The following MSI2 variants were observed in gnomAD, a reference collection of about 807,000 sequenced individuals.
The protein encoded by MSI2 is musashi RNA binding protein 2.
MSI2 carries 17 observed loss-of-function variants against 45.6 expected under a neutral mutation model. The ratio of observed to expected loss-of-function variants is 0.37; its 90% CI spans 0.26 to 0.56. The LOEUF (loss-of-function observed/expected upper bound fraction) is 0.56, where lower values mean the gene tolerates loss of function less well. Ranked by LOEUF, MSI2 falls within the 20% of genes least tolerant of loss-of-function variation. The pLI is 0.77. For missense variants in MSI2, 293 were observed against 444.2 expected, an observed-to-expected ratio of 0.66 and a Z score of 3.06; for synonymous variants, 156 against 158.2, an observed-to-expected ratio of 0.99 and a Z score of 0.11.
intron 6 of MSI2, among the ~76,000 whole-genome samples, chr17:57,504,960 G>A (rs2086196138): frequency 6.6e-6 from 1 of 151,730 alleles, no homozygotes; most frequent in South Asian, 2.1e-4. Context: ...AAAAAGTAAG[G>A]AAAGGGGAGA....
intron 7 of MSI2, among the ~76,000 whole-genome samples, chr17:57,538,029 G>C (rs1400350072): frequency 6.6e-6 from 1 of 152,194 alleles, no homozygotes; most frequent in Non-Finnish European, 1.5e-5. Context: ...CACTGACCCA[G>C]AAGTGGTTTT....
intron 5 of MSI2, among the ~76,000 whole-genome samples, chr17:57,398,520 A>G (rs906522142): frequency 6.6e-6 from 1 of 152,248 alleles, no homozygotes; most frequent in African/African-American, 2.4e-5. Context: ...GTGGAAGACA[A>G]TAGGACAGTA....
At chr17:57,350,225 G>GTGTGTGT (rs1915909517) in intron 5 of MSI2, among the ~76,000 whole-genome samples, 3 of 146,638 alleles carry the variant, frequency 2.0e-5, no homozygotes, top group African/African-American at 7.7e-5. Context: ...CAGAGGTAGG[G>GTGTGTGT]GTGTGTGTGT....
chr17:57,541,961 G>A (rs1362783761), intron 7 of MSI2, among the ~76,000 whole-genome samples: 1 of 152,100 alleles, frequency 6.6e-6, no homozygotes, highest in African/African-American at 2.4e-5. Flanking sequence ...CACCAGATCT[G>A]CAATGTGCGT....
At chr17:57,498,702 G>T (rs1217156030) in intron 6 of MSI2, among the ~76,000 whole-genome samples, 2 of 152,190 alleles carry the variant, frequency 1.3e-5, no homozygotes, top group African/African-American at 4.8e-5. Context: ...GGTTGGCTTT[G>T]TTGGGGGAAA....
chr17:57,582,077 C>T (rs1222476891), intron 7 of MSI2, among the ~76,000 whole-genome samples: 1 of 152,130 alleles, frequency 6.6e-6, no homozygotes, highest in Non-Finnish European at 1.5e-5. Context: ...TTCTTGACTC[C>T]CGTGAATTTC....
intron 6 of MSI2, among the ~76,000 whole-genome samples, chr17:57,442,532 C>A (rs2084819116): frequency 6.6e-6 from 1 of 152,136 alleles, no homozygotes; most frequent in Non-Finnish European, 1.5e-5. Context: ...CAGCAGTTAG[C>A]CATCTCCCCT....
chr17:57,538,868 G>C (rs1598380164), intron 7 of MSI2, among the ~76,000 whole-genome samples: 1 of 152,166 alleles, frequency 6.6e-6, no homozygotes, highest in Non-Finnish European at 1.5e-5. Context: ...TAAGCTCTGG[G>C]ACTTAATAGC....
chr17:57,444,723 A>G (rs1271376499), intron 6 of MSI2: 1 of 152,264 alleles, frequency 6.6e-6, no homozygotes, highest in African/African-American at 2.4e-5. Flanking sequence ...AGAAATGATT[A>G]TTCTGGTTGC....
chr17:57,500,397 C>CT (rs35873324), intron 6 of MSI2, among the ~76,000 whole-genome samples: 6,899 of 141,870 alleles, frequency 0.049, 216 homozygotes, highest in South Asian at 0.12. Context: ...TGAGTTGCGT[C>CT]TTTTTTTTTT....
intron 5 of MSI2, among the ~76,000 whole-genome samples, chr17:57,364,282 A>G (rs1050050866): frequency 3.3e-5 from 5 of 152,126 alleles, no homozygotes; most frequent in African/African-American, 9.7e-5. Flanking sequence ...TTCATTCCCT[A>G]TAGGTGAAGG....
chr17:57,287,003 C>G (rs970852875), intron 5 of MSI2, among the ~76,000 whole-genome samples: 3 of 151,726 alleles, frequency 2.0e-5, no homozygotes, highest in African/African-American at 7.3e-5. Flanking sequence ...GCAACTGGCT[C>G]GCGCCGCAGA....
chr17:57,689,460 G>A (rs1404257464), downstream of MSI2, among the ~76,000 whole-genome samples: 3 of 152,138 alleles, frequency 2.0e-5, no homozygotes, highest in East Asian at 3.8e-4. Flanking sequence ...TCATGTAAGC[G>A]CTAAATACAA....
intron 6 of MSI2, among the ~76,000 whole-genome samples, chr17:57,443,913 G>T (rs1426169924): frequency 6.6e-6 from 1 of 152,204 alleles, no homozygotes; most frequent in Non-Finnish European, 1.5e-5. Context: ...AAACTGGGCA[G>T]ATGCCTCTCT....
At chr17:57,353,458 G>T (rs895835593) in intron 5 of MSI2, among the ~76,000 whole-genome samples, 1 of 152,180 alleles carries the variant, frequency 6.6e-6, no homozygotes, top group South Asian at 2.1e-4. Flanking sequence ...TTGGTGCACT[G>T]ATACATGGTT....
chr17:57,376,877 G>A (rs1239931739), intron 5 of MSI2, among the ~76,000 whole-genome samples: 2 of 144,404 alleles, frequency 1.4e-5, no homozygotes, highest in East Asian at 4.1e-4. Flanking sequence ...CCCAGGAAAG[G>A]GGAAGAACAT....
intron 5 of MSI2, among the ~76,000 whole-genome samples, chr17:57,276,479 C>CT (rs1340428960): frequency 6.6e-6 from 1 of 152,216 alleles, no homozygotes; most frequent in Non-Finnish European, 1.5e-5. Flanking sequence ...AATGTGGCTC[C>CT]TTTTTGCTTG....
At chr17:57,533,718 G>A (rs765953791) in intron 7 of MSI2, among the ~76,000 whole-genome samples, 8 of 152,190 alleles carry the variant, frequency 5.3e-5, no homozygotes, top group Non-Finnish European at 8.8e-5. Flanking sequence ...GCTGACTTGC[G>A]ATGCCCTTCT....
chr17:57,587,322 C>T (rs1904388214), intron 7 of MSI2, among the ~76,000 whole-genome samples: 1 of 152,194 alleles, frequency 6.6e-6, no homozygotes, highest in Admixed American at 6.5e-5. Flanking sequence ...GAAGGTTTCT[C>T]CTCACATTTC....
Sources: allele counts gnomAD v4.1 joint callset (sites outside exome capture counted in the v4.1 genomes callset), GRCh38; gene constraint gnomAD v4.1.1; transcripts MANE v1.5; gene names NCBI Gene and HGNC (gene_info 2026-07-23, HGNC 2026-07-21).